Variants in RSRC1 observed in about 807,000 individuals in gnomAD.
RSRC1 encodes serine/Arginine-related protein 53.
Under a neutral mutation model 49.1 loss-of-function variants are expected in RSRC1, and 39 were observed. That is an observed-to-expected ratio of 0.79 (90% confidence interval 0.61 to 1.04). RSRC1 has a LOEUF of 1.04. RSRC1 is among the 50% of genes least tolerant of loss of function. The pLI, the probability that RSRC1 is intolerant of heterozygous loss-of-function variation, is 0.00. For synonymous variants in RSRC1, 143 were observed against 130.8 expected (o/e 1.09, Z -0.63); for missense variants, 388 against 402.4 (o/e 0.96, Z 0.31).
chr3:158,247,703 C>T (rs1429207730), intron 4 of RSRC1, among the ~76,000 whole-genome samples: 3 of 152,134 alleles, frequency 2.0e-5, no homozygotes, highest in Non-Finnish European at 2.9e-5. Flanking sequence ...TTGGTTCTTC[C>T]TGTACCTGGA....
intron 7 of RSRC1, among the ~76,000 whole-genome samples, chr3:158,472,222 T>C (rs1030672911): frequency 1.3e-5 from 2 of 152,096 alleles, no homozygotes; most frequent in African/African-American, 4.8e-5. Flanking sequence ...ACTTTGCAGG[T>C]CAGAAGTGCT....
intron 4 of RSRC1, among the ~76,000 whole-genome samples, chr3:158,244,035 GTT>G (rs34272372): frequency 2.0e-5 from 3 of 149,376 alleles, no homozygotes; most frequent in South Asian, 2.1e-4. Flanking sequence ...TTGAAGTGGG[GTT>G]TTTTTTTATA....
intron 4 of RSRC1, among the ~76,000 whole-genome samples, chr3:158,248,822 T>A (rs1724050484): frequency 6.6e-6 from 1 of 152,126 alleles, no homozygotes; most frequent in Non-Finnish European, 1.5e-5. Flanking sequence ...GGTCTCAAGC[T>A]GTTTGCCTCA....
At chr3:158,326,054 G>A (rs1464908184) in intron 5 of RSRC1, among the ~76,000 whole-genome samples, 2 of 152,128 alleles carry the variant, frequency 1.3e-5, no homozygotes. Context: ...GTATAAGAAT[G>A]CTTGTGATTT....
chr3:158,225,449 G>T (rs551056263), intron 4 of RSRC1, among the ~76,000 whole-genome samples: 106 of 151,902 alleles, frequency 7.0e-4, no homozygotes, highest in African/African-American at 2.5e-3. Context: ...TGTTGAACTT[G>T]CTCCCCCTTA....
chr3:158,383,575 A>G (rs1732821141), intron 6 of RSRC1, among the ~76,000 whole-genome samples: 1 of 152,176 alleles, frequency 6.6e-6, no homozygotes, highest in African/African-American at 2.4e-5. Context: ...CCATGCATAT[A>G]CTTTTACTAA....
intron 9 of RSRC1, 149 bp downstream of exon 9, chr3:158,543,636 C>A: frequency 1.4e-6 from 1 of 713,366 alleles, no homozygotes; most frequent in South Asian, 2.5e-5. Flanking sequence ...GGCCCCCAGG[C>A]CTTTAGAACT....
At chr3:158,257,217 T>C (rs1239118793) in intron 4 of RSRC1, among the ~76,000 whole-genome samples, 1 of 152,176 alleles carries the variant, frequency 6.6e-6, no homozygotes. Flanking sequence ...TTTAGTACTA[T>C]AAATTTCCCT....
chr3:158,469,401 A>T (rs1262720436), intron 7 of RSRC1: 1 of 446,172 alleles, frequency 2.2e-6, no homozygotes, highest in Non-Finnish European at 4.5e-6. Context: ...GATTCCCATG[A>T]TGCATATATG....
intron 6 of RSRC1, among the ~76,000 whole-genome samples, chr3:158,434,430 T>C (rs1226840810): frequency 2.0e-5 from 3 of 151,948 alleles, no homozygotes; most frequent in African/African-American, 4.8e-5. Context: ...GTTTACTTTG[T>C]GCTAAAAATT....
At chr3:158,328,950 T>G (rs1729368738) in intron 5 of RSRC1, among the ~76,000 whole-genome samples, 1 of 152,212 alleles carries the variant, frequency 6.6e-6, no homozygotes, top group African/African-American at 2.4e-5. Context: ...TTGCTCTTTT[T>G]TCTCTAAGCT....
chr3:158,203,819 ATAT>A (rs1450598221), intron 4 of RSRC1, among the ~76,000 whole-genome samples: 2 of 152,194 alleles, frequency 1.3e-5, no homozygotes, highest in African/African-American at 4.8e-5. Context: ...CATAGAATTG[ATAT>A]TATTAAAACA....
At position 158,532,944 on chromosome 3, in the gene RSRC1, A is replaced by G. The variant is rs540665985; in HGVS notation, c.653-4148A>G. On this transcript the variant is annotated intron_variant, in intron 7 of 9. Transcript: ENST00000611884. ...ACATATAAACCATAACTCATTTTAA[A>G]TCACATTTTCCCAATCTTAAAATTG... Among the ~76,000 whole-genome samples, 5 of 151,924 alleles carry G rather than the reference A, an allele frequency of 3.3e-5. No homozygotes were observed. The East Asian group carries it at 9.7e-4, about 29-fold the overall frequency.
intron 5 of RSRC1, among the ~76,000 whole-genome samples, chr3:158,346,669 C>T (rs1160706526): frequency 6.6e-6 from 1 of 152,162 alleles, no homozygotes; most frequent in Admixed American, 6.5e-5. Context: ...CTCTCATACC[C>T]TACTGGTGGG....
At chr3:158,460,379 T>C (rs73172118) in intron 6 of RSRC1, among the ~76,000 whole-genome samples, 17,904 of 151,838 alleles carry the variant, frequency 0.12, 1,309 homozygotes, top group South Asian at 0.19. Context: ...ACCCCTGCAG[T>C]TGAGCAACTA....
chr3:158,434,444 T>C (rs967042360), intron 6 of RSRC1, among the ~76,000 whole-genome samples: 55 of 152,072 alleles, frequency 3.6e-4, no homozygotes, highest in African/African-American at 1.3e-3. Flanking sequence ...AAAAATTATT[T>C]TATTATAAAG....
intron 6 of RSRC1, among the ~76,000 whole-genome samples, chr3:158,423,233 T>C (rs370136068): frequency 3.9e-5 from 6 of 151,942 alleles, no homozygotes; most frequent in African/African-American, 9.7e-5. Context: ...GTCTTTAATC[T>C]ATCTTGAATT....
intron 6 of RSRC1, among the ~76,000 whole-genome samples, chr3:158,442,451 T>G (rs1378684218): frequency 6.6e-6 from 1 of 152,122 alleles, no homozygotes; most frequent in Non-Finnish European, 1.5e-5. Context: ...GAACAATTTT[T>G]TTTGTTAATA....
At chr3:158,232,671 A>G (rs1723033337) in intron 4 of RSRC1, among the ~76,000 whole-genome samples, 1 of 152,112 alleles carries the variant, frequency 6.6e-6, no homozygotes, top group South Asian at 2.1e-4. Flanking sequence ...GAATGAAGTC[A>G]TGTTTTAGCC....
Sources: gnomAD v4.1 joint callset for allele counts (sites outside exome capture counted in the v4.1 genomes callset) on GRCh38, gnomAD v4.1.1 for gene constraint, MANE v1.5 for transcripts, NCBI Gene and HGNC (gene_info 2026-07-23, HGNC 2026-07-21) for gene names.